Variants in ADCY8 observed in about 807,000 individuals in gnomAD.
The protein encoded by ADCY8 is adenylate cyclase type 8.
ADCY8 carries 51 observed loss-of-function variants against 119.7 expected under a neutral mutation model. The ratio of observed to expected loss-of-function variants is 0.43; its 90% confidence interval spans 0.34 to 0.54. ADCY8 has a LOEUF of 0.54. ADCY8 is among the 20% of genes least tolerant of loss of function. The pLI is 0.03. For missense variants in ADCY8, 1,383 were observed against 1,598.8 expected (o/e 0.87, Z 2.30); for synonymous variants, 665 against 651.0 (o/e 1.02, Z -0.33).
intron 5 of ADCY8, among the ~76,000 whole-genome samples, chr8:130,929,541 T>G (rs2130605946): frequency 6.6e-6 from 1 of 152,324 alleles, no homozygotes; most frequent in East Asian, 1.9e-4. Flanking sequence ...TAAGATTTGT[T>G]TATGTCCTAA....
intron 15 of ADCY8, among the ~76,000 whole-genome samples, chr8:130,788,222 C>G (rs922687580): frequency 1.3e-5 from 2 of 152,144 alleles, no homozygotes; most frequent in Admixed American, 1.3e-4. Flanking sequence ...TGGGTATACA[C>G]CCAGTAGTGG....
rs967326050 is a variant in ADCY8 at position 131,040,388 on chromosome 8, G to A, written c.-55C>T. 19 of 1,435,744 alleles carry A rather than the reference G, an allele frequency of 1.3e-5. No individual in the cohort carries two copies. Among genetic ancestry groups the A allele is most frequent in the Middle Eastern group, 2.6e-4 (1 of 3,806 alleles). The allele number at this position is 1,435,744 out of a possible 1,614,324, so 88.9% of individuals were successfully genotyped here. A position where few individuals can be genotyped will look rare whatever the true frequency, so the allele number is the denominator to read the frequency against. ...AACCTTGGGGAGGCAGCCGGAGGAG[G>A]GGTTCCTAAAGACTCAAAGGCGGCC... is the stretch of plus-strand genomic sequence containing the variant. On this transcript the variant is annotated 5_prime_UTR_variant, in exon 1 of 18. Transcript: ENST00000286355.
intron 1 of ADCY8, among the ~76,000 whole-genome samples, chr8:130,995,252 A>G (rs1191546565): frequency 1.3e-5 from 2 of 152,170 alleles, no homozygotes; most frequent in Admixed American, 6.5e-5. Flanking sequence ...AATGACCCTA[A>G]ACAGAGGATT....
chr8:130,921,395 G>A (rs1030966473), intron 5 of ADCY8, among the ~76,000 whole-genome samples: 1 of 150,764 alleles, frequency 6.6e-6, no homozygotes, highest in African/African-American at 2.4e-5. Flanking sequence ...TCATGCCATT[G>A]AATATTAATG....
intron 12 of ADCY8, among the ~76,000 whole-genome samples, chr8:130,822,709 C>A (rs1816556228): frequency 6.6e-6 from 1 of 152,002 alleles, no homozygotes. Context: ...GTTTGTGGAC[C>A]CCTGAAAAAA....
chr8:130,869,140 G>A (rs1480079417), intron 8 of ADCY8, among the ~76,000 whole-genome samples: 1 of 152,182 alleles, frequency 6.6e-6, no homozygotes, highest in Non-Finnish European at 1.5e-5. Flanking sequence ...TTCAGAGACT[G>A]CACAGTTATT....
rs1245794856 is a variant in ADCY8 at position 130,849,738 on chromosome 8, G to T, written c.2276C>A (p.Thr759Asn). 1.2e-6 allele frequency: 2 copies of T among 1,613,904 alleles called. No individual in the cohort carries two copies. Among genetic ancestry groups the T allele is most frequent in the Admixed American group, 3.3e-5 (2 of 60,014 alleles). ...IMLHSALVLITTAEDYKCLPL... is the reference protein window; with the variant it reads ...IMLHSALVLINTAEDYKCLPL... Reference sequence around the variant, plus strand: ...CAAACATTTATAATCCTCTGCTGTGGTGATGAGGACCAGAGCCGAGTGCAG... The same window carrying T: ...CAAACATTTATAATCCTCTGCTGTGTTGATGAGGACCAGAGCCGAGTGCAG... The change falls in exon 10 of 18, where the codon ACC becomes AAC. Residue 759 changes from threonine (T) to asparagine (N), a missense_variant. By Grantham distance (65) the Thr-to-Asn change is moderately conservative (BLOSUM62 0). This residue lies in a region of ADCY8 where 928 missense variants were observed against 1,163.5 expected (regional missense o/e 0.80). Coordinates refer to ENST00000286355, the MANE Select transcript of ADCY8 (RefSeq NM_001115.3).
chr8:130,853,564 T>C (rs1817608876), intron 9 of ADCY8, among the ~76,000 whole-genome samples: 1 of 132,520 alleles, frequency 7.5e-6, no homozygotes, highest in Non-Finnish European at 1.6e-5. Context: ...GTTTGGAAAT[T>C]TGTAAAATTG....
intron 4 of ADCY8, among the ~76,000 whole-genome samples, chr8:130,941,138 C>T (rs12334503): frequency 0.13 from 20,538 of 152,150 alleles, 1,531 homozygotes; most frequent in Non-Finnish European, 0.17. Context: ...ATTGTAATCA[C>T]GTAAGTAGTA....
intron 2 of ADCY8, among the ~76,000 whole-genome samples, chr8:130,966,417 A>G (rs529514618): frequency 1.3e-5 from 2 of 152,324 alleles, no homozygotes; most frequent in Admixed American, 1.3e-4. Flanking sequence ...GTCACTGTTA[A>G]GAGTGGGGTG....
intron 1 of ADCY8, among the ~76,000 whole-genome samples, chr8:131,013,828 C>A (rs188387411): frequency 1.0e-3 from 155 of 152,286 alleles, no homozygotes; most frequent in Admixed American, 2.0e-3. Flanking sequence ...GTACAGTATG[C>A]ACCAAAAGTT....
In ADCY8 at chr8:130,989,915, C is replaced by T. The variant is rs201764387; in HGVS notation, c.1110+478G>A. ...CCTTATTTTGATGTTGGCATCATGT[C>T]GACAGGACTTTTTTGTGTACATCTC... On this transcript the variant is annotated intron_variant, in intron 2 of 17. Coordinates refer to ENST00000286355, the MANE Select transcript of ADCY8 (RefSeq NM_001115.3). Among the ~76,000 whole-genome samples, 9 of 152,210 alleles carry T rather than the reference C, an allele frequency of 5.9e-5. No individual in the cohort carries two copies. The East Asian group carries it at 1.2e-3, about 20-fold the overall frequency.
intron 2 of ADCY8, among the ~76,000 whole-genome samples, chr8:130,955,945 G>A (rs1821413056): frequency 6.6e-6 from 1 of 152,202 alleles, no homozygotes; most frequent in Admixed American, 6.5e-5. Flanking sequence ...AGGAGTTTGA[G>A]ACTAGCTTGG....
chr8:130,841,816 G>A (rs1448880037), intron 11 of ADCY8, among the ~76,000 whole-genome samples: 1 of 152,174 alleles, frequency 6.6e-6, no homozygotes, highest in Non-Finnish European at 1.5e-5. Context: ...AAATCATCTG[G>A]ACTTATTGCT....
chr8:130,819,594 T>G (rs140908899), intron 13 of ADCY8, among the ~76,000 whole-genome samples: 1 of 152,308 alleles, frequency 6.6e-6, no homozygotes, highest in Non-Finnish European at 1.5e-5. Flanking sequence ...ACTTGTCAAT[T>G]TAAAACCTGT....
intron 1 of ADCY8, among the ~76,000 whole-genome samples, chr8:131,022,007 A>C (rs1017568456): frequency 6.6e-6 from 1 of 152,232 alleles, no homozygotes; most frequent in Non-Finnish European, 1.5e-5. Context: ...AGTAGGAAAG[A>C]AAGGAATTTA....
At chr8:130,904,242 A>G (rs1819706901) in intron 6 of ADCY8, among the ~76,000 whole-genome samples, 200 bp from the exon 7 acceptor site, 1 of 152,234 alleles carries the variant, frequency 6.6e-6, no homozygotes, top group South Asian at 2.1e-4. Flanking sequence ...AGTATCACGG[A>G]CATCGTCCCA....
chr8:130,981,597 C>T (rs1346717679), intron 2 of ADCY8, among the ~76,000 whole-genome samples: 3 of 151,900 alleles, frequency 2.0e-5, no homozygotes, highest in Admixed American at 1.3e-4. Context: ...GTGTTGAGGT[C>T]CCTGATGGTG....
rs1422985793 is a variant in ADCY8 at position 130,847,523 on chromosome 8, A to G, written c.2413-10T>C. On this transcript the variant is annotated splice_polypyrimidine_tract_variant and intron_variant, in intron 10 of 17. Coordinates refer to ENST00000286355, the MANE Select transcript of ADCY8 (RefSeq NM_001115.3). ...CAAAATCACACCACAGCTGCGGATTAAAAAAAAAAAAAAAAGAACAACAAA... is the reference window on the plus strand; with the variant it reads ...CAAAATCACACCACAGCTGCGGATTGAAAAAAAAAAAAAAAGAACAACAAA... 1 of 107,716 alleles carries G rather than the reference A, an allele frequency of 9.3e-6. No individual in the cohort carries two copies. Among genetic ancestry groups the G allele is most frequent in the Non-Finnish European group, 1.6e-5 (1 of 61,636 alleles). 6.7% of individuals were successfully genotyped at this position (107,716 alleles called of 1,614,324 possible). A position where few individuals can be genotyped will look rare whatever the true frequency, so the allele number is the denominator to read the frequency against.
Sources: gnomAD v4.1 joint callset for allele counts (sites outside exome capture counted in the v4.1 genomes callset) on GRCh38, gnomAD v4.1.1 for gene constraint, gnomAD v4.1.1 regional missense constraint, MANE v1.5 for transcripts, NCBI Gene and HGNC (gene_info 2026-07-23, HGNC 2026-07-21) for gene names.